The following MRRF variants were observed in gnomAD, a reference collection of about 807,000 sequenced individuals.
The protein encoded by MRRF is mitochondrial ribosome recycling factor.
MRRF carries 18 observed loss-of-function variants against 25.1 expected under a neutral mutation model. That is an observed-to-expected ratio of 0.72 (90% CI 0.50 to 1.06). The LOEUF is 1.06. MRRF is among the 50% of genes least tolerant of loss of function. The pLI is 0.00. For synonymous variants in MRRF, 113 were observed against 112.1 expected (o/e 1.01, Z -0.05); for missense variants, 323 against 319.3 (o/e 1.01, Z -0.09).
intron 5 of MRRF, among the ~76,000 whole-genome samples, chr9:122,304,119 G>C (rs1834671255): frequency 6.8e-6 from 1 of 147,204 alleles, no homozygotes; most frequent in Admixed American, 6.7e-5. Context: ...GATATTGAAA[G>C]AAAAAAACTC....
chr9:122,307,497 A>G (rs536057652), intron 5 of MRRF, among the ~76,000 whole-genome samples: 1 of 151,916 alleles, frequency 6.6e-6, no homozygotes, highest in Admixed American at 6.6e-5. Context: ...CTCTCTCACC[A>G]CTCGCATCCT....
chr9:122,276,903 C>T (rs2119073020), intron 2 of MRRF, among the ~76,000 whole-genome samples: 1 of 151,922 alleles, frequency 6.6e-6, no homozygotes, highest in Non-Finnish European at 1.5e-5. Flanking sequence ...GGGTCTTGCC[C>T]AGGCTGTAGT....
chr9:122,301,734 T>TG (rs1157111863), intron 5 of MRRF, among the ~76,000 whole-genome samples: 1 of 147,192 alleles, frequency 6.8e-6, no homozygotes, highest in East Asian at 2.0e-4. Context: ...GCATGGTGAT[T>TG]TTTTTTTTTT....
intron 6 of MRRF, among the ~76,000 whole-genome samples, chr9:122,321,594 AT>A (rs1835897910): frequency 6.6e-6 from 1 of 152,186 alleles, no homozygotes; most frequent in Admixed American, 6.5e-5. Flanking sequence ...GAGCTTATCC[AT>A]TTCATCATAG....
chr9:122,279,882 G>A lies in MRRF; in HGVS notation c.185-561G>A, dbSNP rs546164695. ...TTTCCTGTCTCTCTAATTAGATTTT[G>A]TGGAGATGGGCTAGTGAAAAGTTCA... On this transcript the variant is annotated intron_variant, in intron 2 of 6. Coordinates refer to ENST00000344641, the MANE Select transcript of MRRF (RefSeq NM_138777.5). Among the ~76,000 whole-genome samples the A allele has an allele frequency of 5.8e-4, 88 of 152,254 alleles. 1 individual carries two copies. The highest frequency in any genetic ancestry group is 2.1e-3 in the African/African-American group (87 of 41,544).
In MRRF at chr9:122,325,283, A is replaced by T. The variant is rs758333380; in HGVS notation, c.*2666A>T. 2 of 152,152 alleles carry T rather than the reference A, an allele frequency of 1.3e-5. No individual in the cohort carries two copies. The highest frequency in any genetic ancestry group is 2.9e-5 in the Non-Finnish European group (2 of 68,018). The allele number at this position is 152,152 out of a possible 1,614,324, so 9.4% of individuals were successfully genotyped here. A position where few individuals can be genotyped will look rare whatever the true frequency, so the allele number is the denominator to read the frequency against. On this transcript the variant is annotated 3_prime_UTR_variant, in exon 7 of 7. Transcript: ENST00000344641. ...CTGTATCATGATAAATGAATAAAGG[A>T]AAACCTCGAGCCCAGGGCAGTCAGA... is the stretch of plus-strand genomic sequence containing the variant.
intron 5 of MRRF, among the ~76,000 whole-genome samples, chr9:122,295,132 AATG>A (rs1209673859): frequency 1.3e-5 from 2 of 152,196 alleles, no homozygotes; most frequent in Non-Finnish European, 2.9e-5. Flanking sequence ...TCATCTGTGA[AATG>A]ATAATTTACA....
intron 5 of MRRF, among the ~76,000 whole-genome samples, chr9:122,310,954 A>G (rs1012011158): frequency 1.3e-5 from 2 of 152,242 alleles, no homozygotes; most frequent in Non-Finnish European, 2.9e-5. Context: ...TTCATGAGGA[A>G]GTAATTAAAC....
intron 2 of MRRF, among the ~76,000 whole-genome samples, chr9:122,273,521 T>C (rs1452381278): frequency 2.0e-5 from 3 of 150,630 alleles, no homozygotes; most frequent in Admixed American, 1.3e-4. Context: ...AATCCTATCT[T>C]TTTTTTTTGT....
At chr9:122,312,783 C>T (rs1293463413) in intron 5 of MRRF, among the ~76,000 whole-genome samples, 1 of 152,216 alleles carries the variant, frequency 6.6e-6, no homozygotes, top group African/African-American at 2.4e-5. Context: ...CTTGTCACTC[C>T]TTTCTTTGTT....
intron 6 of MRRF, among the ~76,000 whole-genome samples, chr9:122,320,117 T>TC (rs1355101394): frequency 6.6e-6 from 1 of 151,886 alleles, no homozygotes; most frequent in African/African-American, 2.4e-5. Context: ...CAAGTGATCC[T>TC]CCCACCTCAG....
chr9:122,315,819 A>AGG (rs1201243880), intron 6 of MRRF, among the ~76,000 whole-genome samples: 2 of 152,114 alleles, frequency 1.3e-5, no homozygotes, highest in African/African-American at 4.8e-5. Context: ...CATCTGCCTC[A>AGG]GGGACCAGAG....
chr9:122,268,891 T>C (rs10818670), intron 1 of MRRF, among the ~76,000 whole-genome samples: 23,626 of 152,052 alleles, frequency 0.16, 2,033 homozygotes, highest in East Asian at 0.24. Context: ...TTAGGCCGGG[T>C]GCGGTGGCTC....
Position 122,322,995 on chromosome 9 carries a change from T to G in MRRF, c.*378T>G. On this transcript the variant is annotated 3_prime_UTR_variant, in exon 7 of 7. Transcript: ENST00000344641. The stretch of plus-strand genomic sequence containing the variant: ...CCATTTTAAAACTCTGATATTGGCC[T>G]TCACCTGTGACTGGACACTTTACTA... 1 of 305,078 alleles carries G rather than the reference T, an allele frequency of 3.3e-6. No individual in the cohort carries two copies. The highest frequency in any genetic ancestry group is 7.0e-5 in the East Asian group (1 of 14,312). 18.9% of individuals were successfully genotyped at this position (305,078 alleles called of 1,614,324 possible). A position where few individuals can be genotyped will look rare whatever the true frequency, so the allele number is the denominator to read the frequency against.
At chr9:122,273,828 G>A (rs567778221) in intron 2 of MRRF, among the ~76,000 whole-genome samples, 2 of 152,174 alleles carry the variant, frequency 1.3e-5, no homozygotes, top group East Asian at 3.9e-4. Flanking sequence ...TAATCTATTT[G>A]TGAGATATGT....
In MRRF at chr9:122,323,481, T is replaced by G. The variant is rs181506348; in HGVS notation, c.*864T>G. On this transcript the variant is annotated 3_prime_UTR_variant, in exon 7 of 7. Coordinates refer to ENST00000344641, the MANE Select transcript of MRRF (RefSeq NM_138777.5). ...CCCAGCAAATGCTGACTTCTTTTCT[T>G]TCTAGTCTTAACACTCCCTTTCTAT... is the stretch of plus-strand genomic sequence containing the variant. The G allele has an allele frequency of 6.6e-6, 1 of 152,374 alleles. No homozygotes were observed. Among genetic ancestry groups the G allele is most frequent in the East Asian group, 1.9e-4 (1 of 5,194 alleles). The allele number at this position is 152,374 out of a possible 1,614,324, so 9.4% of individuals were successfully genotyped here.
intron 5 of MRRF, among the ~76,000 whole-genome samples, chr9:122,312,544 C>T (rs185514789): frequency 9.9e-5 from 15 of 152,256 alleles, no homozygotes; most frequent in Admixed American, 7.9e-4. Context: ...GAGCAAGAAC[C>T]GTGTTGATTT....
intron 5 of MRRF, among the ~76,000 whole-genome samples, chr9:122,294,535 G>A (rs1833967529): frequency 1.3e-5 from 2 of 152,174 alleles, no homozygotes; most frequent in African/African-American, 2.4e-5. Context: ...TCTTCCCTTT[G>A]ACAAGGTGGT....
Position 122,280,594 on chromosome 9 carries a change from A to G in MRRF, c.336A>G (p.Ser112=). 1 of 1,613,730 alleles carries G rather than the reference A, an allele frequency of 6.2e-7. No homozygotes were observed. The highest frequency in any genetic ancestry group is 8.5e-7 in the Non-Finnish European group (1 of 1,179,666). ...NFNKTLNIRT[S]PGSLDKIAVV... ...ATAAGACTCTCAATATAAGGACCTC[A>G]CCAGGTTAGTGACTGAACCAATGTT... The change falls in exon 3 of 7, where the codon TCA becomes TCG. Residue 112 remains serine (S), a synonymous_variant. Coordinates refer to ENST00000344641, the MANE Select transcript of MRRF (RefSeq NM_138777.5).
Sources: gnomAD v4.1 joint callset for allele counts (sites outside exome capture counted in the v4.1 genomes callset) on GRCh38, gnomAD v4.1.1 for gene constraint, MANE v1.5 for transcripts, NCBI Gene and HGNC (gene_info 2026-07-23, HGNC 2026-07-21) for gene names.